RPTOR: variants seen among roughly 807,000 people sequenced by gnomAD.
RPTOR encodes the protein regulatory-associated protein of mTOR.
Under a neutral mutation model 169.9 loss-of-function variants are expected in RPTOR, and 21 were observed. The ratio of observed to expected loss-of-function variants is 0.12; its 90% confidence interval spans 0.09 to 0.18. The LOEUF (loss-of-function observed/expected upper bound fraction) is 0.18, where lower values mean the gene tolerates loss of function less well. Ranked by LOEUF, RPTOR falls within the 10% of genes least tolerant of loss-of-function variation. The pLI is 1.00. For synonymous variants in RPTOR, 732 were observed against 753.2 expected (o/e 0.97, Z 0.46); for missense variants, 1,133 against 1,855.9 (o/e 0.61, Z 7.16).
Position 80,602,114 on chromosome 17 carries a change from G to T in RPTOR, c.163-23577G>T, listed in dbSNP as rs1193798169. On this transcript the variant is annotated intron_variant, in intron 1 of 33. Transcript: ENST00000306801. ...TCCCAGACGGGGTGGTGGCCGGACAGAGGGGCTCCTCACTTCCCAGTAGGG... is the reference window on the plus strand; with the variant it reads ...TCCCAGACGGGGTGGTGGCCGGACATAGGGGCTCCTCACTTCCCAGTAGGG... Among the ~76,000 whole-genome samples the T allele has an allele frequency of 3.1e-5, 2 of 64,454 alleles. 1 individual carries two copies. The highest frequency in any genetic ancestry group is 7.0e-5 in the Non-Finnish European group (2 of 28,542). 42.3% of individuals were successfully genotyped at this position (64,454 alleles called of 152,430 possible).
At chr17:80,623,737 T>C (rs1438253326) in intron 1 of RPTOR, among the ~76,000 whole-genome samples, 2 of 152,096 alleles carry the variant, frequency 1.3e-5, no homozygotes, top group African/African-American at 2.4e-5. Flanking sequence ...GGTTTCACCA[T>C]GTTGGCCAGG....
intron 26 of RPTOR, 39 bp downstream of exon 26, chr17:80,945,820 C>A: frequency 7.8e-7 from 1 of 1,284,328 alleles, no homozygotes; most frequent in Non-Finnish European, 1.1e-6. Flanking sequence ...TCCGGCTGAC[C>A]GACAGCCCCA....
intron 4 of RPTOR, among the ~76,000 whole-genome samples, chr17:80,729,106 A>G (rs1234835312): frequency 6.6e-6 from 1 of 152,220 alleles, no homozygotes; most frequent in East Asian, 1.9e-4. Context: ...GATGTCTGAA[A>G]TGTAACTTTT....
rs147180398 is a variant in RPTOR at position 80,960,831 on chromosome 17, G to A, written c.3606-563G>A. 4.2e-4 allele frequency: 66 copies of A among 156,322 alleles called. 2 individuals carry two copies. The highest frequency in any genetic ancestry group is 2.3e-3 in the Admixed American group (39 of 16,928). 9.7% of individuals were successfully genotyped at this position (156,322 alleles called of 1,614,324 possible). A position where few individuals can be genotyped will look rare whatever the true frequency, so the allele number is the denominator to read the frequency against. Reference sequence around the variant, plus strand: ...CACAGCAGCCCCGGGCACTGCCTCTGCTGAGCACCCCCGTGGGCAGGTGCT... The same window carrying A: ...CACAGCAGCCCCGGGCACTGCCTCTACTGAGCACCCCCGTGGGCAGGTGCT... On this transcript the variant is annotated intron_variant, in intron 30 of 33. Coordinates refer to ENST00000306801, the MANE Select transcript of RPTOR (RefSeq NM_020761.3). The surrounding 1 kb of genome is among the most constrained non-coding windows in gnomAD (Gnocchi z 4.8).
intron 1 of RPTOR, among the ~76,000 whole-genome samples, chr17:80,567,462 C>T (rs1240118893): frequency 6.6e-6 from 1 of 151,930 alleles, no homozygotes; most frequent in Non-Finnish European, 1.5e-5. Context: ...ATTTTATTTC[C>T]ACACATTTTA....
chr17:80,799,466 G>T (rs143470383), intron 7 of RPTOR, among the ~76,000 whole-genome samples: 1,868 of 152,304 alleles, frequency 0.012, 19 homozygotes, highest in Middle Eastern at 0.027. Context: ...TAGGGAGTCT[G>T]AAGACCTAGT....
At chr17:80,828,053 C>T (rs1231223463) in intron 9 of RPTOR, among the ~76,000 whole-genome samples, 1 of 152,212 alleles carries the variant, frequency 6.6e-6, no homozygotes, top group East Asian at 1.9e-4. Context: ...GTTTCAGGCG[C>T]ATCCCTGGGA....
At chr17:80,954,552 C>T (rs1228948958) in intron 28 of RPTOR, among the ~76,000 whole-genome samples, 1 of 152,252 alleles carries the variant, frequency 6.6e-6, no homozygotes, top group Non-Finnish European at 1.5e-5. Flanking sequence ...GGTGTAAACA[C>T]ATCTGGCCTG....
intron 1 of RPTOR, among the ~76,000 whole-genome samples, chr17:80,574,565 G>A (rs1418677636): frequency 6.6e-6 from 1 of 151,778 alleles, no homozygotes; most frequent in Admixed American, 6.6e-5. Flanking sequence ...AAAGTTGTTT[G>A]TAACATCCTC....
At chr17:80,793,792 A>T (rs2067073940) in intron 7 of RPTOR, among the ~76,000 whole-genome samples, 1 of 152,270 alleles carries the variant, frequency 6.6e-6, no homozygotes, top group Non-Finnish European at 1.5e-5. Context: ...CCTAGTGATG[A>T]CAACAAAAAT....
At chr17:80,622,140 G>A (rs1349416241) in intron 1 of RPTOR, among the ~76,000 whole-genome samples, 1 of 152,206 alleles carries the variant, frequency 6.6e-6, no homozygotes, top group Non-Finnish European at 1.5e-5. Flanking sequence ...CCCACAGAGG[G>A]ACCCTGCAGA....
intron 3 of RPTOR, among the ~76,000 whole-genome samples, chr17:80,689,733 G>T (rs968386317): frequency 1.3e-5 from 2 of 152,156 alleles, no homozygotes; most frequent in African/African-American, 4.8e-5. Context: ...TGTTTTACGC[G>T]TATGAAACAT....
At chr17:80,913,555 C>T (rs1962500) in intron 21 of RPTOR, among the ~76,000 whole-genome samples, 70,148 of 151,864 alleles carry the variant, frequency 0.46, 17,104 homozygotes, top group Non-Finnish European at 0.53. Context: ...TGGGCTCAAG[C>T]GATCCTCCCA....
rs146809534 is a variant in RPTOR at position 80,901,303 on chromosome 17, G to A, written c.2401+7438G>A. Among the ~76,000 whole-genome samples the A allele has an allele frequency of 6.3e-4, 96 of 152,018 alleles. No homozygotes were observed. The East Asian group carries it at 7.1e-3, about 11-fold the overall frequency. On this transcript the variant is annotated intron_variant, in intron 20 of 33. Transcript: ENST00000306801. ...GCCTCCATGAGTTTTCTCCTCTGCC[G>A]GTTCTTTCTTTTCTGTCTTCTCGAA...
At chr17:80,639,812 T>G (rs147307518) in intron 2 of RPTOR, among the ~76,000 whole-genome samples, 1 of 152,304 alleles carries the variant, frequency 6.6e-6, no homozygotes, top group East Asian at 1.9e-4. Flanking sequence ...GCCAGCTCTT[T>G]GGAAGGTGAA....
intron 1 of RPTOR, among the ~76,000 whole-genome samples, chr17:80,600,327 G>A (rs768941886): frequency 2.0e-5 from 3 of 152,246 alleles, no homozygotes; most frequent in Non-Finnish European, 2.9e-5. Flanking sequence ...ACTGAAAGGA[G>A]CAGAGGCAAT....
intron 24 of RPTOR, among the ~76,000 whole-genome samples, chr17:80,939,963 A>G (rs1256646306): frequency 7.2e-5 from 11 of 152,208 alleles, no homozygotes; most frequent in Admixed American, 6.5e-4. Flanking sequence ...TAGTGAACAC[A>G]GGCGTGGAGA....
chr17:80,616,548 C>T (rs1474091574), intron 1 of RPTOR, among the ~76,000 whole-genome samples: 3 of 152,200 alleles, frequency 2.0e-5, no homozygotes, highest in African/African-American at 7.2e-5. Flanking sequence ...CTGCCTGCTT[C>T]GGCCTCCCGA....
intron 11 of RPTOR, among the ~76,000 whole-genome samples, chr17:80,849,826 C>T (rs1306675326): frequency 2.6e-5 from 4 of 152,310 alleles, no homozygotes; most frequent in Admixed American, 6.5e-5. Flanking sequence ...CCCTGAACAC[C>T]GTCTTCTCAC....
Sources: gnomAD v4.1 joint callset for allele counts (sites outside exome capture counted in the v4.1 genomes callset) on GRCh38, gnomAD v4.1.1 for gene constraint, Gnocchi (gnomAD v3.1) non-coding constraint, MANE v1.5 for transcripts, NCBI Gene and HGNC (gene_info 2026-07-23, HGNC 2026-07-21) for gene names.